The following ANKRD30BL variants were observed in gnomAD, a reference collection of about 807,000 sequenced individuals.
ANKRD30BL encodes putative ankyrin repeat domain-containing protein 30B-like.
In ANKRD30BL, 20 loss-of-function variants were observed where a neutral mutation model predicts 18.4. The ratio of observed to expected loss-of-function variants is 1.09; its 90% confidence interval spans 0.77 to 1.58. The LOEUF is 1.58. ANKRD30BL is among the 40% of genes most tolerant of loss of function. The pLI is 0.00. For synonymous variants in ANKRD30BL, 72 were observed against 100.9 expected (o/e 0.71, Z 1.72); for missense variants, 224 against 268.6 (o/e 0.83, Z 1.16).
chr2:132,183,774 C>T (rs930680205), intron 1 of ANKRD30BL, among the ~76,000 whole-genome samples: 2 of 151,954 alleles, frequency 1.3e-5, no homozygotes, highest in African/African-American at 2.4e-5. Flanking sequence ...CATATACATG[C>T]ATATATTTGT....
intron 1 of ANKRD30BL, among the ~76,000 whole-genome samples, chr2:132,175,368 G>A (rs558743226): frequency 0.01 from 1,569 of 152,304 alleles, 10 homozygotes; most frequent in South Asian, 0.022. Context: ...GTTTCTCTCT[G>A]CCCAAACATC....
At chr2:132,151,605 A>G (rs1440685866) in intron 4 of ANKRD30BL, among the ~76,000 whole-genome samples, 1 of 139,868 alleles carries the variant, frequency 7.1e-6, no homozygotes, top group East Asian at 1.9e-4. Flanking sequence ...TCTCAACAAA[A>G]ATTAAATTAC....
intron 1 of ANKRD30BL, among the ~76,000 whole-genome samples, chr2:132,232,627 T>C (rs1188298377): frequency 6.6e-6 from 1 of 151,160 alleles, no homozygotes; most frequent in African/African-American, 2.4e-5. Flanking sequence ...AGAAGGGAAG[T>C]TTAGAGAAAA....
intron 1 of ANKRD30BL, among the ~76,000 whole-genome samples, chr2:132,200,538 T>C (rs191122884): frequency 6.6e-6 from 1 of 152,234 alleles, no homozygotes; most frequent in East Asian, 1.9e-4. Flanking sequence ...TGAATTCCCA[T>C]TCACAATTGC....
intron 1 of ANKRD30BL, among the ~76,000 whole-genome samples, chr2:132,176,759 T>C (rs920899493): frequency 6.6e-6 from 1 of 152,118 alleles, no homozygotes; most frequent in Admixed American, 6.5e-5. Context: ...CCACTGCATT[T>C]CAGTCTGGGG....
At chr2:132,222,832 T>TTAAAAAAAAAAAAA (rs559303905) in intron 1 of ANKRD30BL, among the ~76,000 whole-genome samples, 3 of 52,808 alleles carry the variant, frequency 5.7e-5, no homozygotes, top group Non-Finnish European at 1.1e-4. Context: ...GAATGATCAA[T>TTAAAAAAAAAAAAA]AAAAAAAAAA....
chr2:132,221,358 G>A (rs1347447533), intron 1 of ANKRD30BL, among the ~76,000 whole-genome samples: 3,162 of 138,424 alleles, frequency 0.023, 28 homozygotes, highest in African/African-American at 0.091. Flanking sequence ...CGCCCAGTCC[G>A]GGAGGGGGGA....
chr2:132,231,715 G>A (rs1456345467), intron 1 of ANKRD30BL, among the ~76,000 whole-genome samples: 3 of 152,260 alleles, frequency 2.0e-5, no homozygotes, highest in African/African-American at 4.8e-5. Flanking sequence ...CTGATTGCTA[G>A]CACAGCAGTC....
intron 1 of ANKRD30BL, among the ~76,000 whole-genome samples, chr2:132,188,739 A>G (rs1678777325): frequency 6.6e-6 from 1 of 151,756 alleles, no homozygotes; most frequent in Non-Finnish European, 1.5e-5. Flanking sequence ...AACAACAACA[A>G]ATTAACACCT....
chr2:132,245,404 T>A (rs1245844959), intron 1 of ANKRD30BL, among the ~76,000 whole-genome samples: 1 of 150,386 alleles, frequency 6.6e-6, no homozygotes, highest in Non-Finnish European at 1.5e-5. Flanking sequence ...ATTGGACATT[T>A]GGAGCGCTTT....
chr2:132,150,067 T>C (rs1687715886), intron 5 of ANKRD30BL, among the ~76,000 whole-genome samples: 1 of 152,090 alleles, frequency 6.6e-6, no homozygotes, highest in South Asian at 2.1e-4. Flanking sequence ...GATTTTCAGC[T>C]GCATGGGGGG....
chr2:132,252,489 G>C (rs1384390429), intron 1 of ANKRD30BL, among the ~76,000 whole-genome samples: 1 of 151,468 alleles, frequency 6.6e-6, no homozygotes, highest in African/African-American at 2.4e-5. Flanking sequence ...CAGATGGGCC[G>C]TGTGGCAGGC....
At chr2:132,186,962 G>A (rs1214904683) in intron 1 of ANKRD30BL, among the ~76,000 whole-genome samples, 1 of 151,802 alleles carries the variant, frequency 6.6e-6, no homozygotes, top group Non-Finnish European at 1.5e-5. Context: ...ATATGTGCCA[G>A]GTTGAAAATT....
At chr2:132,205,614 GAAAA>G (rs1679197732) in intron 1 of ANKRD30BL, among the ~76,000 whole-genome samples, 1 of 118,050 alleles carries the variant, frequency 8.5e-6, no homozygotes, top group Non-Finnish European at 1.8e-5. Context: ...AAAAAAAAAA[GAAAA>G]AAGAAAAAAA....
chr2:132,220,733 G>T (rs1420722960), intron 1 of ANKRD30BL, among the ~76,000 whole-genome samples: 1 of 151,950 alleles, frequency 6.6e-6, no homozygotes, highest in Non-Finnish European at 1.5e-5. Context: ...CCTCCCAGCC[G>T]CCTGCCTTGA....
At chr2:132,197,582 T>G (rs1309562233) in intron 1 of ANKRD30BL, among the ~76,000 whole-genome samples, 13 of 151,896 alleles carry the variant, frequency 8.6e-5, no homozygotes, top group African/African-American at 3.1e-4. Context: ...AAAAAAAAAT[T>G]GAAAATCTTG....
At chr2:132,176,748 A>T (rs1236494242) in intron 1 of ANKRD30BL, among the ~76,000 whole-genome samples, 2 of 152,160 alleles carry the variant, frequency 1.3e-5, no homozygotes, top group African/African-American at 4.8e-5. Flanking sequence ...TCAAGATGGC[A>T]CCACTGCATT....
chr2:132,214,481 T>C (rs1434204072), intron 1 of ANKRD30BL, among the ~76,000 whole-genome samples: 1 of 151,588 alleles, frequency 6.6e-6, no homozygotes, highest in Non-Finnish European at 1.5e-5. Context: ...TTGAGGTCTA[T>C]GGTCAAAAAG....
At chr2:132,252,207 G>A (rs1680667245) in intron 1 of ANKRD30BL, among the ~76,000 whole-genome samples, 1 of 152,240 alleles carries the variant, frequency 6.6e-6, no homozygotes, top group Non-Finnish European at 1.5e-5. Flanking sequence ...TGTTAACGAT[G>A]CTACTGGGAG....
Sources: gnomAD v4.1 joint callset for allele counts (sites outside exome capture counted in the v4.1 genomes callset) on GRCh38, gnomAD v4.1.1 for gene constraint, MANE v1.5 for transcripts, NCBI Gene and HGNC (gene_info 2026-07-23, HGNC 2026-07-21) for gene names.